The following NAA11 variants were observed in gnomAD, a reference collection of about 807,000 sequenced individuals.
NAA11 encodes N-alpha-acetyltransferase 11.
In NAA11, 15 loss-of-function variants were observed where a neutral mutation model predicts 16.1. The ratio of observed to expected loss-of-function variants is 0.93; its 90% CI spans 0.62 to 1.44. NAA11 has a LOEUF of 1.44. Ranked by LOEUF, NAA11 falls within the 40% of genes most tolerant of loss-of-function variation. The pLI, the probability that NAA11 is intolerant of heterozygous loss-of-function variation, is 0.00. For missense variants in NAA11, 298 were observed against 291.3 expected (o/e 1.02, Z -0.17); for synonymous variants, 122 against 112.4 (o/e 1.09, Z -0.54).
At chr4:79,173,420 G>A in the NAA11 span, among the ~76,000 whole-genome samples, 1 of 151,988 alleles carries the variant, frequency 6.6e-6, no homozygotes, top group African/African-American at 2.4e-5. Context: ...TAGGTAGATT[G>A]GTAACCTTCA....
intron 2 of NAA11, among the ~76,000 whole-genome samples, chr4:79,257,504 A>G (rs1722145219): frequency 6.6e-6 from 1 of 152,044 alleles, no homozygotes; most frequent in African/African-American, 2.4e-5. Flanking sequence ...GTCACTTATT[A>G]TCTGTAAGAG....
chr4:79,207,367 TAAAAA>T, the NAA11 span, among the ~76,000 whole-genome samples: 8 of 115,896 alleles, frequency 6.9e-5, no homozygotes, highest in East Asian at 1.8e-3. Flanking sequence ...TGAATGAGGT[TAAAAA>T]AAAAAAAAAA....
At chr4:79,178,206 A>G in the NAA11 span, among the ~76,000 whole-genome samples, 1 of 152,174 alleles carries the variant, frequency 6.6e-6, no homozygotes, top group African/African-American at 2.4e-5. Context: ...TCCATATTTA[A>G]TGGTAAGGCA....
At chr4:79,279,647 G>A (rs1578176232) in intron 2 of NAA11, among the ~76,000 whole-genome samples, 1 of 152,242 alleles carries the variant, frequency 6.6e-6, no homozygotes, top group African/African-American at 2.4e-5. Context: ...GCTGGCCAGA[G>A]CCTCTGGATC....
At chr4:79,319,796 G>A (rs1353183834) in intron 1 of NAA11, among the ~76,000 whole-genome samples, 11 of 152,116 alleles carry the variant, frequency 7.2e-5, no homozygotes, top group Admixed American at 7.2e-4. Context: ...CTGGGGTAAG[G>A]TTATACTACG....
the NAA11 span, among the ~76,000 whole-genome samples, chr4:79,157,337 G>A: frequency 1.2e-4 from 19 of 152,166 alleles, no homozygotes; most frequent in Non-Finnish European, 1.9e-4. Flanking sequence ...CCACTTATGA[G>A]TGAGAACATA....
At chr4:79,267,318 G>A (rs910864674) in intron 2 of NAA11, among the ~76,000 whole-genome samples, 3 of 152,192 alleles carry the variant, frequency 2.0e-5, no homozygotes, top group African/African-American at 7.2e-5. Context: ...AATTTTCAGA[G>A]AGTGAAGATT....
At chr4:79,172,197 G>C in the NAA11 span, among the ~76,000 whole-genome samples, 1 of 151,922 alleles carries the variant, frequency 6.6e-6, no homozygotes, top group Non-Finnish European at 1.5e-5. Context: ...GCTTTCAAAG[G>C]CTTCATGACT....
chr4:79,197,928 G>A, the NAA11 span, among the ~76,000 whole-genome samples: 8 of 151,878 alleles, frequency 5.3e-5, no homozygotes, highest in Admixed American at 5.3e-4. Flanking sequence ...AAAGGGTGTG[G>A]GTGAGTAGAT....
At chr4:79,264,714 G>A (rs751013639) in intron 2 of NAA11, among the ~76,000 whole-genome samples, 4 of 151,994 alleles carry the variant, frequency 2.6e-5, no homozygotes, top group African/African-American at 4.8e-5. Flanking sequence ...TGTTTTCCTT[G>A]CCACACTGGG....
At chr4:79,163,948 G>A in the NAA11 span, among the ~76,000 whole-genome samples, 1 of 152,136 alleles carries the variant, frequency 6.6e-6, no homozygotes, top group Admixed American at 6.6e-5. Context: ...TTTTCTGACA[G>A]AGAGGCTATG....
chr4:79,278,285 A>C lies in NAA11; in HGVS notation c.*122+15720T>G, dbSNP rs542863952. On this transcript the variant is annotated intron_variant and NMD_transcript_variant, in intron 2 of 2. Coordinates refer to the NAA11 transcript ENST00000511542. ...TCTTCCATGCAGTTACCAGTGACTC[A>C]GCCAATGAACGTCTCATTATGCTGT... is the stretch of plus-strand genomic sequence containing the variant. 2.6e-5 allele frequency among the ~76,000 whole-genome samples: 4 copies of C among 152,154 alleles called. 1 individual carries two copies. The highest frequency in any genetic ancestry group is 2.0e-4 in the Admixed American group (3 of 15,282).
At chr4:79,219,614 A>G in the NAA11 span, among the ~76,000 whole-genome samples, 2 of 152,144 alleles carry the variant, frequency 1.3e-5, no homozygotes, top group Non-Finnish European at 2.9e-5. Context: ...ACTCTTAAAT[A>G]TAGAAATGCC....
chr4:79,183,995 G>T, the NAA11 span, among the ~76,000 whole-genome samples: 1 of 152,118 alleles, frequency 6.6e-6, no homozygotes, highest in African/African-American at 2.4e-5. Flanking sequence ...AAACCAAAAT[G>T]CTAGCTTTCC....
At chr4:79,180,470 C>T in the NAA11 span, among the ~76,000 whole-genome samples, 2 of 152,058 alleles carry the variant, frequency 1.3e-5, no homozygotes, top group African/African-American at 4.8e-5. Context: ...CCAACAGACA[C>T]AGGAAAAAAT....
intron 2 of NAA11, among the ~76,000 whole-genome samples, chr4:79,264,532 A>G (rs1017526709): frequency 6.6e-6 from 1 of 152,106 alleles, no homozygotes; most frequent in African/African-American, 2.4e-5. Flanking sequence ...TTCTCTTTGC[A>G]TGATTCTGAC....
rs955233414 is a variant in NAA11, at chr4:79,294,407, C to A, written c.*13-293G>T. 3.9e-5 allele frequency among the ~76,000 whole-genome samples: 6 copies of A among 152,270 alleles called. No individual in the cohort carries two copies. The East Asian group carries it at 1.2e-3, about 29-fold the overall frequency. ...AGGGCACATACTGATTTTCCTACAT[C>A]AGTGATTGGGAAAGAAATTGAAGTT... On this transcript the variant is annotated intron_variant and NMD_transcript_variant, in intron 1 of 2. Coordinates refer to the NAA11 transcript ENST00000511542.
chr4:79,252,919 T>C (rs1472869291), intron 2 of NAA11, among the ~76,000 whole-genome samples: 2 of 152,126 alleles, frequency 1.3e-5, no homozygotes, highest in Middle Eastern at 3.2e-3. Flanking sequence ...TGTATATCAA[T>C]AAAGAATACA....
At chr4:79,274,226 C>G (rs150901958) in intron 2 of NAA11, among the ~76,000 whole-genome samples, 3 of 152,174 alleles carry the variant, frequency 2.0e-5, no homozygotes, top group African/African-American at 7.2e-5. Flanking sequence ...TCACTGCTCC[C>G]AAGTGCCAAT....
Sources: gnomAD v4.1 joint callset for allele counts (sites outside exome capture counted in the v4.1 genomes callset) on GRCh38, gnomAD v4.1.1 for gene constraint, MANE v1.5 for transcripts, NCBI Gene and HGNC (gene_info 2026-07-23, HGNC 2026-07-21) for gene names.